The following BCL2 variants were observed in gnomAD, a reference collection of about 807,000 sequenced individuals.
The protein encoded by BCL2 is apoptosis regulator Bcl-2.
A neutral mutation model predicts 14.2 loss-of-function variants in BCL2; 1 was observed. The ratio of observed to expected loss-of-function variants is 0.07; its 90% CI spans 0.02 to 0.33. The LOEUF (loss-of-function observed/expected upper bound fraction) is 0.33, where lower values mean the gene tolerates loss of function less well. BCL2 is among the 10% of genes least tolerant of loss of function. The pLI, the probability that BCL2 is intolerant of heterozygous loss-of-function variation, is 0.99. For missense variants in BCL2, 247 were observed against 305.9 expected, an observed-to-expected ratio of 0.81 and a Z score of 1.44; for synonymous variants, 151 against 137.2, an observed-to-expected ratio of 1.10 and a Z score of -0.70.
At chr18:63,217,819 G>A (rs1910247369) in intron 2 of BCL2, among the ~76,000 whole-genome samples, 1 of 152,124 alleles carries the variant, frequency 6.6e-6, no homozygotes, top group Non-Finnish European at 1.5e-5. Flanking sequence ...ATCAATTCCA[G>A]GTTTTGTTTA....
At chr18:63,252,218 T>C (rs554833359) in intron 2 of BCL2, among the ~76,000 whole-genome samples, 2 of 152,244 alleles carry the variant, frequency 1.3e-5, no homozygotes, top group East Asian at 3.9e-4. Context: ...GAAGTAAATA[T>C]TTACAAGGAA....
intron 2 of BCL2, among the ~76,000 whole-genome samples, chr18:63,244,380 A>C (rs1034776433): frequency 1.3e-5 from 2 of 151,418 alleles, no homozygotes; most frequent in Non-Finnish European, 2.9e-5. Flanking sequence ...TCTGTCTCAA[A>C]AACAACAACA....
chr18:63,300,065 G>C (rs758479299), intron 2 of BCL2, among the ~76,000 whole-genome samples: 18 of 152,208 alleles, frequency 1.2e-4, no homozygotes, highest in Non-Finnish European at 2.1e-4. Context: ...AATGAAGTCA[G>C]GAGGCAGAGT....
In BCL2 at chr18:63,211,866, C is replaced by T. The variant is rs146871478; in HGVS notation, c.586-83107G>A. 6.9e-4 allele frequency among the ~76,000 whole-genome samples: 105 copies of T among 152,316 alleles called. No homozygotes were observed. In the East Asian group the frequency reaches 9.3e-3, roughly 13 times the overall value. On this transcript the variant is annotated intron_variant, in intron 2 of 2. Transcript: ENST00000333681. ...CTTCAGTCATGAAAATCAGGGAACA[C>T]GTCATTGATGACTGTCCTGGTCCTG...
chr18:63,309,654 C>T (rs1053919913), intron 2 of BCL2, among the ~76,000 whole-genome samples: 10 of 152,146 alleles, frequency 6.6e-5, no homozygotes, highest in African/African-American at 2.2e-4. Flanking sequence ...CTCCCACGCA[C>T]ACATCCTGCC....
chr18:63,242,606 C>T (rs1465010683), intron 2 of BCL2, among the ~76,000 whole-genome samples: 1 of 152,154 alleles, frequency 6.6e-6, no homozygotes. Context: ...GCCAGTTCAC[C>T]ACAATCCCTT....
At chr18:63,166,705 T>C (rs1915055356) in intron 2 of BCL2, among the ~76,000 whole-genome samples, 1 of 152,112 alleles carries the variant, frequency 6.6e-6, no homozygotes, top group South Asian at 2.1e-4. Flanking sequence ...TGACTTGGAG[T>C]ATGACAGCTT....
chr18:63,294,831 G>GTAATTACTATC (rs1912756093), intron 2 of BCL2, among the ~76,000 whole-genome samples: 1 of 152,004 alleles, frequency 6.6e-6, no homozygotes, highest in Non-Finnish European at 1.5e-5. Flanking sequence ...ATTACTATCT[G>GTAATTACTATC]TGTAACACTA....
At chr18:63,262,640 C>G (rs1911694878) in intron 2 of BCL2, among the ~76,000 whole-genome samples, 1 of 152,154 alleles carries the variant, frequency 6.6e-6, no homozygotes, top group Non-Finnish European at 1.5e-5. Flanking sequence ...TCAGACATCC[C>G]ACTATGACAC....
intron 2 of BCL2, among the ~76,000 whole-genome samples, chr18:63,258,860 G>A (rs532107127): frequency 5.9e-5 from 9 of 152,316 alleles, no homozygotes; most frequent in African/African-American, 2.2e-4. Context: ...TATTGACTTG[G>A]ATGATTAAGA....
At chr18:63,159,664 A>T (rs939662356) in intron 2 of BCL2, among the ~76,000 whole-genome samples, 1 of 152,190 alleles carries the variant, frequency 6.6e-6, no homozygotes, top group Admixed American at 6.5e-5. Flanking sequence ...GATATTAGGT[A>T]TTGCGGGGGT....
chr18:63,231,960 C>T (rs988574238), intron 2 of BCL2, among the ~76,000 whole-genome samples: 2 of 151,838 alleles, frequency 1.3e-5, no homozygotes. Flanking sequence ...AATTAAGACA[C>T]TATAGTATTG....
chr18:63,209,529 C>A (rs1321088150), intron 2 of BCL2, among the ~76,000 whole-genome samples: 1 of 152,142 alleles, frequency 6.6e-6, no homozygotes, highest in Non-Finnish European at 1.5e-5. Context: ...GTGTATAAAT[C>A]CTCAACCCAA....
chr18:63,227,186 A>G (rs1329858283), intron 2 of BCL2, among the ~76,000 whole-genome samples: 1 of 152,270 alleles, frequency 6.6e-6, no homozygotes, highest in Non-Finnish European at 1.5e-5. Context: ...TGCTGAGGGA[A>G]GATATCTATG....
chr18:63,153,394 A>T, intron 2 of BCL2, among the ~76,000 whole-genome samples: 1 of 152,214 alleles, frequency 6.6e-6, no homozygotes, highest in Middle Eastern at 3.2e-3. Flanking sequence ...ACTGTCAGAG[A>T]TGGCAATTTT....
At chr18:63,309,100 A>C (rs367985468) in intron 2 of BCL2, among the ~76,000 whole-genome samples, 3 of 152,188 alleles carry the variant, frequency 2.0e-5, no homozygotes. Flanking sequence ...CAAGCTTTGA[A>C]CAGCAAAGCT....
At chr18:63,275,273 T>G in intron 2 of BCL2, among the ~76,000 whole-genome samples, 1 of 152,044 alleles carries the variant, frequency 6.6e-6, no homozygotes, top group Non-Finnish European at 1.5e-5. Flanking sequence ...GATCAAGGTT[T>G]ATGTAACTTG....
At chr18:63,158,653 GAT>G (rs1232472003) in intron 2 of BCL2, among the ~76,000 whole-genome samples, 4 of 152,164 alleles carry the variant, frequency 2.6e-5, no homozygotes, top group Admixed American at 2.6e-4. Flanking sequence ...AACCATGTGG[GAT>G]AAAAAGCTTC....
Position 63,307,392 on chromosome 18 carries a change from C to T in BCL2, c.585+10690G>A, listed in dbSNP as rs541500742. ...GCCAAATATTAAATGTTCACATTAA[C>T]CAGACAAAGCATTTTTAGCTACTGA... On this transcript the variant is annotated intron_variant, in intron 2 of 2. Coordinates refer to ENST00000333681, the MANE Select transcript of BCL2 (RefSeq NM_000633.3). Among the ~76,000 whole-genome samples the T allele has an allele frequency of 5.3e-5, 8 of 152,304 alleles. No individual in the cohort carries two copies. The East Asian group carries it at 1.5e-3, about 29-fold the overall frequency.
Sources: allele counts gnomAD v4.1 joint callset (sites outside exome capture counted in the v4.1 genomes callset), GRCh38; gene constraint gnomAD v4.1.1; transcripts MANE v1.5; gene names NCBI Gene and HGNC (gene_info 2026-07-23, HGNC 2026-07-21).